LRRTM4: variants seen among roughly 807,000 people sequenced by gnomAD.
LRRTM4 encodes the protein leucine rich repeat transmembrane neuronal 4.
A neutral mutation model predicts 47.6 loss-of-function variants in LRRTM4; 25 were observed. The observed-to-expected ratio is 0.53, with a 90% CI of 0.38 to 0.73. LRRTM4 has a LOEUF of 0.73. Ranked by LOEUF, LRRTM4 falls within the 30% of genes least tolerant of loss-of-function variation. The pLI is 0.00. For synonymous variants in LRRTM4, 311 were observed against 269.5 expected (o/e 1.15, Z -1.51); for missense variants, 638 against 713.4 (o/e 0.89, Z 1.20).
intron 3 of LRRTM4, among the ~76,000 whole-genome samples, chr2:76,780,592 C>G (rs1558647912): frequency 6.6e-6 from 1 of 151,986 alleles, no homozygotes; most frequent in African/African-American, 2.4e-5. Flanking sequence ...GTTCTCGAGC[C>G]TTGGTTTTCA....
intron 3 of LRRTM4, among the ~76,000 whole-genome samples, chr2:77,443,113 G>C (rs1675911928): frequency 6.6e-6 from 1 of 152,098 alleles, no homozygotes; most frequent in Non-Finnish European, 1.5e-5. Flanking sequence ...AAAGCAGTGT[G>C]GCTCAAGTGG....
intron 3 of LRRTM4, among the ~76,000 whole-genome samples, chr2:76,845,971 C>T (rs1026830393): frequency 3.9e-5 from 6 of 152,000 alleles, no homozygotes; most frequent in South Asian, 4.1e-4. Context: ...CACTTATACA[C>T]GGATTTTTTT....
intron 3 of LRRTM4, among the ~76,000 whole-genome samples, chr2:77,014,503 CATAT>C (rs71381251): frequency 0.036 from 5,007 of 139,144 alleles, 324 homozygotes; most frequent in African/African-American, 0.12. Context: ...TGTGCCCTTT[CATAT>C]ATATATATAT....
chr2:76,939,280 T>G (rs559993607), intron 3 of LRRTM4, among the ~76,000 whole-genome samples: 1 of 152,314 alleles, frequency 6.6e-6, no homozygotes, highest in South Asian at 2.1e-4. Context: ...GCAAATTTTC[T>G]GGGAGTCTTT....
chr2:77,472,520 T>C (rs891516865), intron 3 of LRRTM4, among the ~76,000 whole-genome samples: 17 of 146,608 alleles, frequency 1.2e-4, no homozygotes, highest in African/African-American at 4.2e-4. Context: ...TGTGTGTTCT[T>C]TTTTTTTTTC....
At chr2:77,094,516 G>C (rs76106890) in intron 3 of LRRTM4, among the ~76,000 whole-genome samples, 3,673 of 152,032 alleles carry the variant, frequency 0.024, 160 homozygotes, top group African/African-American at 0.084. Flanking sequence ...AACACTCCCT[G>C]ATATTAAAAT....
intron 3 of LRRTM4, among the ~76,000 whole-genome samples, chr2:77,302,018 T>C (rs897469723): frequency 2.0e-5 from 3 of 152,208 alleles, no homozygotes; most frequent in African/African-American, 7.2e-5. Context: ...TTAGACATAG[T>C]TTCTTAGTTT....
At chr2:76,756,459 C>A (rs1673032932) in intron 3 of LRRTM4, among the ~76,000 whole-genome samples, 1 of 152,136 alleles carries the variant, frequency 6.6e-6, no homozygotes, top group Non-Finnish European at 1.5e-5. Context: ...ATCTTTTCTC[C>A]AGGCTGTGCT....
intron 3 of LRRTM4, among the ~76,000 whole-genome samples, chr2:76,997,762 G>A (rs114286711): frequency 0.012 from 1,890 of 152,218 alleles, 38 homozygotes; most frequent in African/African-American, 0.043. Flanking sequence ...ACAGCAGGAG[G>A]TGAGCACCGG....
At chr2:77,397,959 C>A (rs1288583913) in intron 3 of LRRTM4, among the ~76,000 whole-genome samples, 1 of 151,698 alleles carries the variant, frequency 6.6e-6, no homozygotes, top group East Asian at 2.0e-4. Flanking sequence ...AAGGTGCTGG[C>A]AGATTTCAAA....
At chr2:77,171,446 T>C (rs951424546) in intron 3 of LRRTM4, among the ~76,000 whole-genome samples, 5 of 151,996 alleles carry the variant, frequency 3.3e-5, no homozygotes, top group Admixed American at 6.6e-5. Flanking sequence ...CAGGCTTATC[T>C]TTGTATTTTT....
At chr2:77,222,639 CT>C in intron 3 of LRRTM4, among the ~76,000 whole-genome samples, 1 of 152,144 alleles carries the variant, frequency 6.6e-6, no homozygotes, top group Non-Finnish European at 1.5e-5. Context: ...CACATACACT[CT>C]TCCAAGACTA....
intron 3 of LRRTM4, among the ~76,000 whole-genome samples, chr2:76,830,952 A>G (rs1383384886): frequency 6.6e-6 from 1 of 152,084 alleles, no homozygotes; most frequent in Non-Finnish European, 1.5e-5. Context: ...TCATTTTTCA[A>G]AATTATACAG....
At chr2:76,877,305 A>G (rs564065560) in intron 3 of LRRTM4, among the ~76,000 whole-genome samples, 1 of 152,254 alleles carries the variant, frequency 6.6e-6, no homozygotes, top group East Asian at 1.9e-4. Context: ...TTGGGAATTT[A>G]AAAACAAGAG....
At chr2:77,057,901 C>G (rs1982341) in intron 3 of LRRTM4, among the ~76,000 whole-genome samples, 52,584 of 151,984 alleles carry the variant, frequency 0.35, 10,617 homozygotes, top group African/African-American at 0.56. Context: ...GGTGAGAAAA[C>G]TTATCCTAAG....
chr2:77,244,967 G>GTCT (rs1341086956), intron 3 of LRRTM4, among the ~76,000 whole-genome samples: 1 of 152,080 alleles, frequency 6.6e-6, no homozygotes, highest in East Asian at 1.9e-4. Flanking sequence ...CTTGATTAAA[G>GTCT]TCTTATGAGA....
At chr2:76,859,152 C>A (rs1672240802) in intron 3 of LRRTM4, among the ~76,000 whole-genome samples, 1 of 152,096 alleles carries the variant, frequency 6.6e-6, no homozygotes. Flanking sequence ...GTAGAAAGGA[C>A]TGAAAAGTAT....
At chr2:77,369,581 T>C (rs1220190397) in intron 3 of LRRTM4, among the ~76,000 whole-genome samples, 4 of 151,790 alleles carry the variant, frequency 2.6e-5, no homozygotes, top group Non-Finnish European at 5.9e-5. Flanking sequence ...ATAATAGATA[T>C]GTTAATTTGT....
intron 3 of LRRTM4, among the ~76,000 whole-genome samples, chr2:77,504,307 G>A (rs766501254): frequency 6.6e-5 from 10 of 151,300 alleles, no homozygotes; most frequent in South Asian, 2.1e-4. Context: ...TTGTCACATC[G>A]ACCATATGGC....
Sources: allele counts gnomAD v4.1 joint callset (sites outside exome capture counted in the v4.1 genomes callset), GRCh38; gene constraint gnomAD v4.1.1; transcripts MANE v1.5; gene names NCBI Gene and HGNC (gene_info 2026-07-23, HGNC 2026-07-21).